Variants in NBEA observed in about 807,000 individuals in gnomAD.
The protein encoded by NBEA is neurobeachin, also known as lysosomal-trafficking regulator 2.
A neutral mutation model predicts 343.4 loss-of-function variants in NBEA; 44 were observed. The observed-to-expected ratio is 0.13, with a 90% confidence interval of 0.10 to 0.16. NBEA has a LOEUF of 0.16. Ranked by LOEUF, NBEA falls within the 10% of genes least tolerant of loss-of-function variation. The pLI, the probability that NBEA is intolerant of heterozygous loss-of-function variation, is 1.00. For missense variants in NBEA, 2,555 were observed against 3,631.3 expected (o/e 0.70, Z 7.62); for synonymous variants, 1,175 against 1,238.7 (o/e 0.95, Z 1.08).
chr13:35,350,725 TTGA>T (rs2040148532), intron 37 of NBEA, among the ~76,000 whole-genome samples: 1 of 137,544 alleles, frequency 7.3e-6, no homozygotes, highest in Non-Finnish European at 1.6e-5. Context: ...GTTAGAGCTA[TTGA>T]TGTGTGTGTG....
chr13:35,084,761 A>G (rs537531084), intron 10 of NBEA, among the ~76,000 whole-genome samples: 102 of 152,238 alleles, frequency 6.7e-4, no homozygotes, highest in African/African-American at 2.3e-3. Context: ...ATAGAGACAC[A>G]AAAAACCCTT....
rs1307870342 is a variant in NBEA at position 35,440,813 on chromosome 13, CAG to C, written c.6304+8421_6304+8422del. ...ACCCAAATACCAGTCTCTTACTCTA[CAG>C]TGTGTTGTAGTAAATACATTTGGAA... On this transcript the variant is annotated intron_variant, in intron 39 of 58. Transcript: ENST00000379939. Among the ~76,000 whole-genome samples, 421 of 152,212 alleles carry C rather than the reference CAG, an allele frequency of 2.8e-3. 2 individuals carry two copies. Among genetic ancestry groups the C allele is most frequent in the African/African-American group, 9.7e-3 (405 of 41,546 alleles).
intron 33 of NBEA, among the ~76,000 whole-genome samples, chr13:35,212,824 T>C (rs1041654507): frequency 1.3e-5 from 2 of 152,050 alleles, no homozygotes; most frequent in African/African-American, 4.8e-5. Context: ...TTTGTTTTCT[T>C]CTTTTGATTT....
At chr13:35,555,156 G>A in intron 44 of NBEA, 54 bp downstream of exon 44, 1 of 1,002,254 alleles carries the variant, frequency 1.0e-6, no homozygotes, top group Non-Finnish European at 1.5e-6. Context: ...TCAAAATCAT[G>A]GTAATGTAGC....
chr13:35,283,931 A>G (rs957080945), intron 34 of NBEA, among the ~76,000 whole-genome samples: 4 of 151,636 alleles, frequency 2.6e-5, no homozygotes, highest in Admixed American at 6.6e-5. Flanking sequence ...ATGTATGCAT[A>G]TGTTTTTCTT....
chr13:35,050,245 T>C (rs775317743), intron 5 of NBEA, 24 bp from the exon 6 acceptor site: 2 of 1,602,038 alleles, frequency 1.2e-6, no homozygotes, highest in East Asian at 4.5e-5. Context: ...GAGGATATTA[T>C]ACTATTCTCA....
At chr13:35,506,719 C>T (rs1419622113) in intron 41 of NBEA, among the ~76,000 whole-genome samples, 1 of 152,134 alleles carries the variant, frequency 6.6e-6, no homozygotes, top group African/African-American at 2.4e-5. Context: ...AAAGCCTCAA[C>T]ATGATTTGTC....
In NBEA at chr13:35,444,021, TTTAC is replaced by T. The variant is rs931374970; in HGVS notation, c.6305-8067_6305-8064del. ...TTTAGATGATTTACAAAGAAAAATA[TTTAC>T]TTATTAGGAAATGATTGTTACAGTA... On this transcript the variant is annotated intron_variant, in intron 39 of 58. Coordinates refer to ENST00000379939, the MANE Select transcript of NBEA (RefSeq NM_001385012.1). Among the ~76,000 whole-genome samples, 33 of 152,108 alleles carry T rather than the reference TTTAC, an allele frequency of 2.2e-4. 1 individual carries two copies. Among genetic ancestry groups the T allele is most frequent in the African/African-American group, 7.7e-4 (32 of 41,572 alleles).
At chr13:35,105,999 A>G (rs1593361597) in intron 11 of NBEA, among the ~76,000 whole-genome samples, 1 of 152,008 alleles carries the variant, frequency 6.6e-6, no homozygotes, top group Non-Finnish European at 1.5e-5. Flanking sequence ...TGTAACCTCT[A>G]GTGCTCCTAT....
intron 27 of NBEA, among the ~76,000 whole-genome samples, chr13:35,173,960 C>G (rs374936871): frequency 2.2e-4 from 34 of 151,996 alleles, no homozygotes; most frequent in African/African-American, 8.0e-4. Flanking sequence ...CACTGAATGC[C>G]CATTCAATGA....
At position 35,593,378 on chromosome 13, in the gene NBEA, T is replaced by G. The variant is rs186231956; in HGVS notation, c.7227T>G (p.His2409Gln). 1.2e-6 allele frequency: 2 copies of G among 1,612,644 alleles called. No homozygotes were observed. Among genetic ancestry groups the G allele is most frequent in the African/African-American group, 1.3e-5 (1 of 74,946 alleles). ...FLNANDGKFDHPDRTFSSVAR... is the reference protein window; with the variant it reads ...FLNANDGKFDQPDRTFSSVAR... ...ATGCAAATGATGGAAAATTTGATCA[T>G]CCAGATCGAACCTTCTCATCCGTTG... The change falls in exon 47 of 59, where the codon CAT (histidine) becomes CAG (glutamine). Residue 2409 changes from histidine to glutamine, a missense_variant. This residue lies in a region of NBEA where 156 missense variants were observed against 185.8 expected (regional missense o/e 0.84). Coordinates refer to ENST00000379939, the MANE Select transcript of NBEA (RefSeq NM_001385012.1).
chr13:35,527,399 C>T (rs2078029839), intron 41 of NBEA, among the ~76,000 whole-genome samples: 1 of 152,196 alleles, frequency 6.6e-6, no homozygotes, highest in South Asian at 2.1e-4. Flanking sequence ...CCCCTTTCTG[C>T]CCAGGAACCC....
chr13:35,352,161 A>C lies in NBEA; in HGVS notation c.6017A>C (p.Gln2006Pro). Residue 2006 changes from glutamine to proline, a missense_variant, in exon 38 of 59, where the codon CAG becomes CCG. This residue lies in a region of NBEA where 246 missense variants were observed against 313.7 expected (regional missense o/e 0.78). Coordinates refer to ENST00000379939, the MANE Select transcript of NBEA (RefSeq NM_001385012.1). Reference sequence around the variant, plus strand: ...ATCATTTGTATTTCTTTATAGTCACAGTGTGCCCAATATGCTGCTGATAGA... The same window carrying C: ...ATCATTTGTATTTCTTTATAGTCACCGTGTGCCCAATATGCTGCTGATAGA... The part of the protein sequence containing the change: ...DVHKHAEFES[Q>P]CAQYAADRRE... The C allele has an allele frequency of 6.8e-7, 1 of 1,460,790 alleles. No homozygotes were observed. Among genetic ancestry groups the C allele is most frequent in the Non-Finnish European group, 9.1e-7 (1 of 1,094,974 alleles). The allele number at this position is 1,460,790 out of a possible 1,614,324, so 90.5% of individuals were successfully genotyped here.
In NBEA at chr13:35,142,276, G is replaced by C. The variant is rs2068134368; in HGVS notation, c.2344G>C (p.Val782Leu). Residue 782 changes from valine to leucine, a missense_variant, in exon 18 of 59, where the codon GTT (valine) becomes CTT (leucine). Physicochemically the swap from Val to Leu is conservative, Grantham distance 32. Around this residue, in one of 21 missense-constraint regions of NBEA, gnomAD observed 360 missense variants for 519.1 expected, o/e 0.69. Coordinates refer to ENST00000379939, the MANE Select transcript of NBEA (RefSeq NM_001385012.1). ...TTTCCTCCTTCTCTCCAGGAGAAAAGTTGAAATTATGCACACCCATAGTCT... is the reference window on the plus strand; with the variant it reads ...TTTCCTCCTTCTCTCCAGGAGAAAACTTGAAATTATGCACACCCATAGTCT... ...FLKHLGHKRK[V>L]EIMHTHSLFT... 1 of 1,609,346 alleles carries C rather than the reference G, an allele frequency of 6.2e-7. No individual in the cohort carries two copies. The highest frequency in any genetic ancestry group is 8.5e-7 in the Non-Finnish European group (1 of 1,177,106).
At chr13:35,535,574 T>C (rs1241030679) in intron 41 of NBEA, among the ~76,000 whole-genome samples, 1 of 152,144 alleles carries the variant, frequency 6.6e-6, no homozygotes, top group Non-Finnish European at 1.5e-5. Context: ...TGAATTCATT[T>C]GTTCAACACA....
chr13:35,049,428 A>G (rs1299411785), intron 5 of NBEA, among the ~76,000 whole-genome samples: 1 of 151,902 alleles, frequency 6.6e-6, no homozygotes, highest in Non-Finnish European at 1.5e-5. Flanking sequence ...TGAGGATAGT[A>G]ATAGTGTCTA....
At chr13:35,221,972 T>C (rs529238771) in intron 33 of NBEA, among the ~76,000 whole-genome samples, 63 of 152,314 alleles carry the variant, frequency 4.1e-4, no homozygotes, top group Non-Finnish European at 7.1e-4. Flanking sequence ...GTCTTAACTC[T>C]CCATTTCCCT....
intron 25 of NBEA, 80 bp downstream of exon 25, chr13:35,169,075 T>C (rs2070263417): frequency 8.7e-7 from 1 of 1,147,770 alleles, no homozygotes; most frequent in Non-Finnish European, 1.2e-6. Context: ...TTTGACTTGG[T>C]TATATTTTGA....
At chr13:35,566,206 C>T in intron 44 of NBEA, among the ~76,000 whole-genome samples, 1 of 151,968 alleles carries the variant, frequency 6.6e-6, no homozygotes, top group Non-Finnish European at 1.5e-5. Context: ...ACCAAAAATA[C>T]AAAAATTAGC....
Sources: allele counts gnomAD v4.1 joint callset (sites outside exome capture counted in the v4.1 genomes callset), GRCh38; gene constraint gnomAD v4.1.1; regional missense constraint gnomAD v4.1.1; transcripts MANE v1.5; gene names NCBI Gene and HGNC (gene_info 2026-07-23, HGNC 2026-07-21).